Variants in CAMTA1 observed in about 807,000 individuals in gnomAD.
CAMTA1 encodes calmodulin-binding transcription activator 1.
CAMTA1 carries 27 observed loss-of-function variants against 170.9 expected under a neutral mutation model. The ratio of observed to expected loss-of-function variants is 0.16; its 90% CI spans 0.12 to 0.22. The LOEUF (loss-of-function observed/expected upper bound fraction) is 0.22, where lower values mean the gene tolerates loss of function less well. Ranked by LOEUF, CAMTA1 falls within the 10% of genes least tolerant of loss-of-function variation. The pLI is 1.00. For missense variants in CAMTA1, 1,619 were observed against 2,217.2 expected, an observed-to-expected ratio of 0.73 and a Z score of 5.42; for synonymous variants, 833 against 891.5, an observed-to-expected ratio of 0.93 and a Z score of 1.17.
intron 4 of CAMTA1, among the ~76,000 whole-genome samples, chr1:7,229,564 GGGGAGAGGA>G (rs1662336227): frequency 1.8e-5 from 2 of 111,160 alleles, no homozygotes; most frequent in South Asian, 3.9e-4. Flanking sequence ...GGGTGGAGAG[GGGGAGAGGA>G]GGGTGAGGAG....
intron 3 of CAMTA1, among the ~76,000 whole-genome samples, chr1:6,988,675 C>A (rs1376492874): frequency 6.6e-6 from 1 of 151,600 alleles, no homozygotes; most frequent in Non-Finnish European, 1.5e-5. Flanking sequence ...GAGCATCATT[C>A]TGTGAAGAGT....
intron 3 of CAMTA1, among the ~76,000 whole-genome samples, chr1:6,992,656 A>G (rs6670491): frequency 0.49 from 74,208 of 152,022 alleles, 18,694 homozygotes; most frequent in African/African-American, 0.62. Flanking sequence ...GGCAGGAGGG[A>G]AAGCAGGCAC....
At chr1:7,676,606 G>A (rs560438860) in intron 10 of CAMTA1, among the ~76,000 whole-genome samples, 17 of 152,352 alleles carry the variant, frequency 1.1e-4, no homozygotes, top group Admixed American at 9.8e-4. Flanking sequence ...ACACAGTAAT[G>A]TGATCCCCAC....
chr1:7,752,653 TC>T, intron 21 of CAMTA1, 120 bp downstream of exon 21: 1 of 742,494 alleles, frequency 1.3e-6, no homozygotes, highest in Non-Finnish European at 2.1e-6. Flanking sequence ...AGGGCAGACG[TC>T]CCAAATTACA....
chr1:7,507,018 C>G (rs1004927455), intron 6 of CAMTA1, among the ~76,000 whole-genome samples: 1 of 149,634 alleles, frequency 6.7e-6, no homozygotes, highest in African/African-American at 2.6e-5. Context: ...ATCTCATGCT[C>G]ACACTCAAAA....
At chr1:7,530,683 A>T (rs1042722058) in intron 6 of CAMTA1, among the ~76,000 whole-genome samples, 4 of 152,266 alleles carry the variant, frequency 2.6e-5, no homozygotes, top group African/African-American at 9.6e-5. Flanking sequence ...AGCACACAGT[A>T]GGGACTCATC....
chr1:7,625,807 G>T, intron 6 of CAMTA1, among the ~76,000 whole-genome samples: 1 of 152,204 alleles, frequency 6.6e-6, no homozygotes, highest in Non-Finnish European at 1.5e-5. Context: ...TGTGCTCTGG[G>T]AAGGGCCTGG....
chr1:7,734,859 G>C lies in CAMTA1; in HGVS notation c.3067-1485G>C, dbSNP rs1241564729. On this transcript the variant is annotated intron_variant, in intron 12 of 22. Coordinates refer to ENST00000303635, the MANE Select transcript of CAMTA1 (RefSeq NM_015215.4). ...GCCAGAAAAAAAAAGTACTTTTTAAGTAACACCAGAGATACAAATTAGCCT... is the reference window on the plus strand; with the variant it reads ...GCCAGAAAAAAAAAGTACTTTTTAACTAACACCAGAGATACAAATTAGCCT... Among the ~76,000 whole-genome samples, 4 of 152,274 alleles carry C rather than the reference G, an allele frequency of 2.6e-5. No homozygotes were observed. The East Asian group carries it at 7.7e-4, about 29-fold the overall frequency.
chr1:7,695,819 G>T lies in CAMTA1; in HGVS notation c.2914+18086G>T, dbSNP rs76400940. Among the ~76,000 whole-genome samples, 1,045 of 152,306 alleles carry T rather than the reference G, an allele frequency of 6.9e-3. 15 individuals carry two copies. Among genetic ancestry groups the T allele is most frequent in the African/African-American group, 0.024 (998 of 41,566 alleles). ...TAAGTAATGTCATTTAGCACCAAAG[G>T]TATCTGCAAATGCTCCCTGAACTAA... On this transcript the variant is annotated intron_variant, in intron 11 of 22. Transcript: ENST00000303635.
intron 3 of CAMTA1, among the ~76,000 whole-genome samples, chr1:6,949,330 G>C (rs1371808981): frequency 6.6e-6 from 1 of 152,230 alleles, no homozygotes; most frequent in Non-Finnish European, 1.5e-5. Context: ...AGCCCTTTCT[G>C]CTGACATCAT....
At chr1:7,157,926 G>A (rs927875716) in intron 4 of CAMTA1, among the ~76,000 whole-genome samples, 3 of 152,126 alleles carry the variant, frequency 2.0e-5, no homozygotes, top group African/African-American at 7.2e-5. Flanking sequence ...TTGGGAGGCC[G>A]AGGAGGGCGG....
intron 3 of CAMTA1, among the ~76,000 whole-genome samples, chr1:6,890,716 G>A (rs184825313): frequency 6.6e-6 from 1 of 152,172 alleles, no homozygotes; most frequent in South Asian, 2.1e-4. Context: ...GACCACAGGT[G>A]GGGGCCACCA....
At chr1:7,197,919 G>T (rs1294814010) in intron 4 of CAMTA1, among the ~76,000 whole-genome samples, 2 of 151,824 alleles carry the variant, frequency 1.3e-5, no homozygotes, top group Non-Finnish European at 1.5e-5. Flanking sequence ...TGGCCAGAGT[G>T]GGGAGACAGC....
At chr1:7,442,429 G>A (rs553944004) in intron 5 of CAMTA1, among the ~76,000 whole-genome samples, 145 of 152,230 alleles carry the variant, frequency 9.5e-4, no homozygotes, top group Non-Finnish European at 1.7e-3. Flanking sequence ...TTTTAATAAC[G>A]AAATATGCAT....
intron 3 of CAMTA1, among the ~76,000 whole-genome samples, chr1:6,833,776 T>C (rs1651579626): frequency 6.6e-6 from 1 of 152,150 alleles, no homozygotes; most frequent in Non-Finnish European, 1.5e-5. Context: ...GAGCAATGAG[T>C]TTGTGTGTTA....
chr1:7,589,463 C>T (rs2095338516), intron 6 of CAMTA1, among the ~76,000 whole-genome samples: 1 of 152,134 alleles, frequency 6.6e-6, no homozygotes, highest in Non-Finnish European at 1.5e-5. Context: ...TGCTTGGGGA[C>T]CCAGGGGAGG....
Position 6,889,767 on chromosome 1 carries a change from C to G in CAMTA1, c.234+64557C>G, listed in dbSNP as rs575576748. 1.4e-4 allele frequency among the ~76,000 whole-genome samples: 21 copies of G among 152,150 alleles called. No homozygotes were observed. In the South Asian group the frequency reaches 4.2e-3, roughly 30 times the overall value. ...GGGATGGGTTATCCATACGACAACC[C>G]CTGTGACCAGAGATGCAGGAGCACA... On this transcript the variant is annotated intron_variant, in intron 3 of 22. Coordinates refer to ENST00000303635, the MANE Select transcript of CAMTA1 (RefSeq NM_015215.4).
chr1:7,696,134 G>C (rs928383219), intron 11 of CAMTA1, among the ~76,000 whole-genome samples: 6 of 152,154 alleles, frequency 3.9e-5, no homozygotes, highest in Admixed American at 2.0e-4. Flanking sequence ...CTCCACTGTT[G>C]CCTATGAGAG....
chr1:7,061,981 G>A (rs1708286579), intron 3 of CAMTA1, among the ~76,000 whole-genome samples: 2 of 152,086 alleles, frequency 1.3e-5, no homozygotes, highest in African/African-American at 2.4e-5. Context: ...GAAGTGGCAC[G>A]ATTTTGGCTC....
Sources: gnomAD v4.1 joint callset for allele counts (sites outside exome capture counted in the v4.1 genomes callset) on GRCh38, gnomAD v4.1.1 for gene constraint, MANE v1.5 for transcripts, NCBI Gene and HGNC (gene_info 2026-07-23, HGNC 2026-07-21) for gene names.